The following KCNU1 variants were observed in gnomAD, a reference collection of about 807,000 sequenced individuals.
The protein encoded by KCNU1 is potassium calcium-activated channel subfamily U member 1, also known as potassium channel subfamily U member 1.
In KCNU1, 93 loss-of-function variants were observed where a neutral mutation model predicts 126.8. The observed-to-expected ratio is 0.73, with a 90% CI of 0.62 to 0.87. The LOEUF is 0.87. KCNU1 is among the 40% of genes least tolerant of loss of function. KCNU1 has a pLI of 0.00. For missense variants in KCNU1, 1,330 were observed against 1,367.1 expected, an observed-to-expected ratio of 0.97 and a Z score of 0.43; for synonymous variants, 523 against 494.2, an observed-to-expected ratio of 1.06 and a Z score of -0.77.
Position 36,918,870 on chromosome 8 carries a change from C to G in KCNU1, c.2569C>G (p.Arg857Gly). 1.2e-6 allele frequency: 2 copies of G among 1,609,012 alleles called. No homozygotes were observed. The highest frequency in any genetic ancestry group is 1.7e-6 in the Non-Finnish European group (2 of 1,175,584). Residue 857 changes from arginine to glycine, a missense_variant, in exon 23 of 27, where the codon CGA (arginine) becomes GGA (glycine). Arg to Gly is a moderately radical substitution (Grantham distance 125, BLOSUM62 -2). Transcript: ENST00000399881. ...TGGACATAATGAGAAATCAAACTGC[C>G]GAAAAGTCCCTATCCTTACTGAACT... ...TNGHNEKSNC[R>G]KVPILTELKN...
intron 20 of KCNU1, among the ~76,000 whole-genome samples, chr8:36,907,072 T>A (rs888267584): frequency 4.6e-5 from 7 of 152,274 alleles, no homozygotes; most frequent in Middle Eastern, 6.8e-3. Context: ...TGATATGGAA[T>A]ATAGTTCAGA....
intron 18 of KCNU1, among the ~76,000 whole-genome samples, chr8:36,856,183 T>G (rs940882072): frequency 6.6e-6 from 1 of 152,218 alleles, no homozygotes; most frequent in Non-Finnish European, 1.5e-5. Flanking sequence ...TTTTATTTCT[T>G]TAATCAGGAT....
Position 36,905,755 on chromosome 8 carries a change from G to A in KCNU1, c.2057G>A (p.Ser686Asn), listed in dbSNP as rs189291258. ...VEQDSDQLDS[S>N]GMFHWCKPTS... ...CAAGATTCTGACCAGCTTGATAGCAGTGGGATGTTTCACTGGTGCAAACCA... is the reference window on the plus strand; with the variant it reads ...CAAGATTCTGACCAGCTTGATAGCAATGGGATGTTTCACTGGTGCAAACCA... Residue 686 changes from serine to asparagine, a missense_variant, in exon 20 of 27, where the codon AGT becomes AAT. By Grantham distance (46) the Ser-to-Asn change is conservative. Around this residue, in one of 3 missense-constraint regions of KCNU1, gnomAD observed 1,054 missense variants for 1,053.9 expected, o/e 1.00. Transcript: ENST00000399881. 1 of 1,606,076 alleles carries A rather than the reference G, an allele frequency of 6.2e-7. No individual in the cohort carries two copies. Among genetic ancestry groups the A allele is most frequent in the Non-Finnish European group, 8.5e-7 (1 of 1,174,934 alleles).
intron 20 of KCNU1, among the ~76,000 whole-genome samples, chr8:36,908,672 TATA>T (rs1176148134): frequency 6.6e-6 from 1 of 152,078 alleles, no homozygotes; most frequent in Non-Finnish European, 1.5e-5. Flanking sequence ...ATTAAATTTT[TATA>T]ATATTTCTTT....
intron 23 of KCNU1, among the ~76,000 whole-genome samples, chr8:36,922,055 T>C (rs1808368936): frequency 6.6e-6 from 1 of 152,200 alleles, no homozygotes; most frequent in Non-Finnish European, 1.5e-5. Flanking sequence ...CCCAAGTAAA[T>C]ACCAAGTCAT....
chr8:36,806,318 T>G lies in KCNU1; in HGVS notation c.518T>G (p.Ile173Ser). Residue 173 changes from isoleucine to serine, a missense_variant, in exon 5 of 27, where the codon ATC becomes AGC. Physicochemically the swap from Ile to Ser is moderately radical, Grantham distance 142 (BLOSUM62 -2). Coordinates refer to ENST00000399881, the MANE Select transcript of KCNU1 (RefSeq NM_001031836.3). ...AAGTTCTGGCTGGAGATGAATTCAA[T>G]CGTAGACATCTTTACCATCCCACCA... ...KIKFWLEMNS[I>S]VDIFTIPPTF... 1 of 1,612,048 alleles carries G rather than the reference T, an allele frequency of 6.2e-7. No homozygotes were observed. The highest frequency in any genetic ancestry group is 8.5e-7 in the Non-Finnish European group (1 of 1,179,034).
At chr8:36,836,711 A>G in intron 13 of KCNU1, 82 bp from the exon 14 acceptor site, 1 of 1,231,774 alleles carries the variant, frequency 8.1e-7, no homozygotes, top group East Asian at 2.4e-5. Context: ...GTAAATTTAA[A>G]AAAAGAAAGA....
At chr8:36,784,657 G>T in intron 1 of KCNU1, 52 bp downstream of exon 1, 2 of 1,392,134 alleles carry the variant, frequency 1.4e-6, no homozygotes, top group South Asian at 1.3e-5. Flanking sequence ...ATGAGTTTGG[G>T]GTAGTTTTGT....
rs1803454057 is a variant in KCNU1, at chr8:36,805,222, A to G, written c.405A>G (p.Glu135=). The G allele has an allele frequency of 2.5e-6, 4 of 1,610,960 alleles. No individual in the cohort carries two copies. The highest frequency in any genetic ancestry group is 3.4e-6 in the Non-Finnish European group (4 of 1,178,152). The change falls in exon 4 of 27, where the codon GAA becomes GAG. Residue 135 remains glutamate, a synonymous_variant. Transcript: ENST00000399881. ...ADPVGSCSSY[E]DKTIPIDLVF... ...CTGTTGGAAGCTGTTCATCATATGA[A>G]GACAAAACCATTCCTATTGATTTGG... is the stretch of plus-strand genomic sequence containing the variant.
At chr8:36,849,092 C>T (rs1420258804) in intron 18 of KCNU1, among the ~76,000 whole-genome samples, 2 of 151,952 alleles carry the variant, frequency 1.3e-5, no homozygotes, top group African/African-American at 2.4e-5. Flanking sequence ...AAAAAGAAAC[C>T]CCATAGCCAA....
rs139404392 is a variant in KCNU1, at chr8:36,882,835, G to A, written c.2009+18314G>A. On this transcript the variant is annotated intron_variant, in intron 19 of 26. Transcript: ENST00000399881. ...TGACCTCAGGTGATCCTCCCACCTCGGCCTCCCAAACTGCTGGGATTACAG... is the reference window on the plus strand; with the variant it reads ...TGACCTCAGGTGATCCTCCCACCTCAGCCTCCCAAACTGCTGGGATTACAG... Among the ~76,000 whole-genome samples the A allele has an allele frequency of 4.6e-3, 703 of 152,092 alleles. 8 individuals carry two copies. Among genetic ancestry groups the A allele is most frequent in the African/African-American group, 0.016 (663 of 41,504 alleles).
intron 19 of KCNU1, among the ~76,000 whole-genome samples, chr8:36,879,211 GTATATATA>G (rs34121138): frequency 1.4e-3 from 147 of 101,756 alleles, no homozygotes; most frequent in African/African-American, 4.7e-3. Flanking sequence ...GTGTGTGTGT[GTATATATA>G]TATATATATA....
intron 10 of KCNU1, among the ~76,000 whole-genome samples, chr8:36,829,513 A>G (rs1804451476): frequency 1.3e-5 from 2 of 151,698 alleles, no homozygotes; most frequent in Admixed American, 1.3e-4. Flanking sequence ...ACAGTCTTTT[A>G]ATTACTAAAT....
chr8:36,936,013 A>C lies in KCNU1; in HGVS notation c.*93A>C. The stretch of plus-strand genomic sequence containing the variant: ...GAACAAAGAAAATAAGAATGGAAGC[A>C]TGCCATTTTTCTGCCCATTGCTTAG... On this transcript the variant is annotated 3_prime_UTR_variant, in exon 27 of 27. Coordinates refer to ENST00000399881, the MANE Select transcript of KCNU1 (RefSeq NM_001031836.3). 5.6e-6 allele frequency: 7 copies of C among 1,246,370 alleles called. No individual in the cohort carries two copies. Among genetic ancestry groups the C allele is most frequent in the Non-Finnish European group, 7.7e-6 (7 of 905,010 alleles). 77.2% of individuals were successfully genotyped at this position (1,246,370 alleles called of 1,614,324 possible). A position where few individuals can be genotyped will look rare whatever the true frequency, so the allele number is the denominator to read the frequency against.
intron 22 of KCNU1, among the ~76,000 whole-genome samples, chr8:36,917,266 G>T (rs538666511): frequency 7.9e-5 from 12 of 152,002 alleles, no homozygotes; most frequent in African/African-American, 2.7e-4. Flanking sequence ...GTAAACAACA[G>T]TTGTAAGCAC....
chr8:36,827,148 G>A (rs1265263961), intron 10 of KCNU1, among the ~76,000 whole-genome samples: 10 of 152,156 alleles, frequency 6.6e-5, no homozygotes, highest in Admixed American at 6.6e-4. Flanking sequence ...TTCTTCCAGA[G>A]AGTGTATTTC....
At chr8:36,874,525 G>A (rs1389368435) in intron 19 of KCNU1, among the ~76,000 whole-genome samples, 2 of 152,066 alleles carry the variant, frequency 1.3e-5, no homozygotes, top group African/African-American at 4.8e-5. Context: ...CCCAGGCACA[G>A]GTGCCACCAC....
At chr8:36,827,169 T>C (rs572437083) in intron 10 of KCNU1, among the ~76,000 whole-genome samples, 1 of 152,312 alleles carries the variant, frequency 6.6e-6, no homozygotes, top group South Asian at 2.1e-4. Context: ...TTTACTTCTT[T>C]GAAACACAAC....
chr8:36,806,930 T>C (rs139634490), intron 5 of KCNU1, among the ~76,000 whole-genome samples: 106 of 152,300 alleles, frequency 7.0e-4, no homozygotes, highest in Admixed American at 9.8e-4. Flanking sequence ...AAGTAAAACA[T>C]CATACAAACA....
Sources: gnomAD v4.1 joint callset for allele counts (sites outside exome capture counted in the v4.1 genomes callset) on GRCh38, gnomAD v4.1.1 for gene constraint, gnomAD v4.1.1 regional missense constraint, MANE v1.5 for transcripts, NCBI Gene and HGNC (gene_info 2026-07-23, HGNC 2026-07-21) for gene names.